Variants in CALB1 observed in about 807,000 individuals in gnomAD.
CALB1 encodes calbindin 1.
A neutral mutation model predicts 46.7 loss-of-function variants in CALB1; 16 were observed. That is an observed-to-expected ratio of 0.34 (90% CI 0.23 to 0.52). The LOEUF (loss-of-function observed/expected upper bound fraction) is 0.52. CALB1 is among the 20% of genes least tolerant of loss of function. The probability of loss-of-function intolerance (pLI) is 0.95; values close to 1 mark genes in which losing one functional copy is unlikely to be tolerated. For missense variants in CALB1, 224 were observed against 300.3 expected (o/e 0.75, Z 1.88); for synonymous variants, 90 against 112.8 (o/e 0.80, Z 1.28).
chr8:90,081,073 A>G (rs1259219871), intron 2 of CALB1, among the ~76,000 whole-genome samples: 1 of 152,136 alleles, frequency 6.6e-6, no homozygotes, highest in Non-Finnish European at 1.5e-5. Flanking sequence ...TCCTCTGGAC[A>G]ACCATCTCAT....
Position 90,060,104 on chromosome 8 carries a change from A to G in CALB1, c.*69T>C. ...ACAGATATAAAAGAAAATACAGCCTACTCCCTTATAGTGCACAGTTATTTT... is the reference window on the plus strand; with the variant it reads ...ACAGATATAAAAGAAAATACAGCCTGCTCCCTTATAGTGCACAGTTATTTT... On this transcript the variant is annotated 3_prime_UTR_variant, in exon 11 of 11. Coordinates refer to ENST00000265431, the MANE Select transcript of CALB1 (RefSeq NM_004929.4). 2 of 846,810 alleles carry G rather than the reference A, an allele frequency of 2.4e-6. No homozygotes were observed. Among genetic ancestry groups the G allele is most frequent in the Non-Finnish European group, 4.1e-6 (2 of 486,960 alleles). The allele number at this position is 846,810 out of a possible 1,614,324, so 52.5% of individuals were successfully genotyped here.
intron 3 of CALB1, among the ~76,000 whole-genome samples, chr8:90,073,296 G>A (rs1814566546): frequency 6.6e-6 from 1 of 152,104 alleles, no homozygotes; most frequent in Non-Finnish European, 1.5e-5. Flanking sequence ...TGCTGGGAGT[G>A]TTGCTGCAGC....
chr8:90,078,387 T>C lies in CALB1; in HGVS notation c.217A>G (p.Ile73Val). Reference protein sequence around the residue: ...DQYGQRDDGKIGIVELAHVLP... With the variant: ...DQYGQRDDGKVGIVELAHVLP... Reference sequence around the variant, plus strand: ...AAATTCCTTACCTCTACAATTCCTATTTTTCCATCATCTCTTTGCCCATAC... The same window carrying C: ...AAATTCCTTACCTCTACAATTCCTACTTTTCCATCATCTCTTTGCCCATAC... The change falls in exon 3 of 11, where the codon ATA becomes GTA. Residue 73 changes from isoleucine to valine, a missense_variant. Transcript: ENST00000265431. 1 of 1,585,334 alleles carries C rather than the reference T, an allele frequency of 6.3e-7. No individual in the cohort carries two copies. Among genetic ancestry groups the C allele is most frequent in the Non-Finnish European group, 8.6e-7 (1 of 1,161,024 alleles).
chr8:90,082,472 G>A, intron 1 of CALB1, 147 bp downstream of exon 1: 1 of 695,248 alleles, frequency 1.4e-6, no homozygotes, highest in East Asian at 2.7e-5. Flanking sequence ...GCCAGTCGGG[G>A]AGATAAGAAG....
rs578020589 is a variant in CALB1 at position 90,058,693 on chromosome 8, C to G, written c.*1480G>C. On this transcript the variant is annotated 3_prime_UTR_variant, in exon 11 of 11. Transcript: ENST00000265431. The stretch of plus-strand genomic sequence containing the variant: ...TCCATTTACACGCTAAAGGCAAAGC[C>G]AATCTCCCACTCAACATCATTTGTT... 6.6e-6 allele frequency: 1 copy of G among 152,320 alleles called. No homozygotes were observed. The highest frequency in any genetic ancestry group is 2.4e-5 in the African/African-American group (1 of 41,572). 9.4% of individuals were successfully genotyped at this position (152,320 alleles called of 1,614,324 possible). A position where few individuals can be genotyped will look rare whatever the true frequency, so the allele number is the denominator to read the frequency against.
chr8:90,063,691 T>C, intron 6 of CALB1: 1 of 467,800 alleles, frequency 2.1e-6, no homozygotes, highest in Non-Finnish European at 3.8e-6. Context: ...AATAGTGGTT[T>C]TAGCTATGTT....
At chr8:90,060,462 T>C (rs1814275498) in intron 10 of CALB1, among the ~76,000 whole-genome samples, 167 bp downstream of exon 10, 1 of 152,220 alleles carries the variant, frequency 6.6e-6, no homozygotes, top group South Asian at 2.1e-4. Context: ...AATCTATTTA[T>C]CACAGTTACC....
At chr8:90,060,803 G>T in intron 9 of CALB1, 103 bp from the exon 10 acceptor site, 1 of 928,992 alleles carries the variant, frequency 1.1e-6, no homozygotes. Flanking sequence ...TCTCCCAACT[G>T]CATACTTGGC....
chr8:90,066,043 C>G (rs531230664), intron 5 of CALB1, 68 bp from the exon 6 acceptor site: 20 of 1,050,572 alleles, frequency 1.9e-5, no homozygotes, highest in Middle Eastern at 2.2e-4. Context: ...TTTCAGAATG[C>G]CTTGGAACAG....
chr8:90,063,074 G>C, intron 9 of CALB1, 26 bp downstream of exon 9: 1 of 1,555,208 alleles, frequency 6.4e-7, no homozygotes, highest in Non-Finnish European at 8.8e-7. Context: ...CAATAAAAAA[G>C]AAAGGAAAAA....
At chr8:90,069,125 G>A (rs974305229) in intron 4 of CALB1, 29 bp downstream of exon 4, 3 of 1,609,072 alleles carry the variant, frequency 1.9e-6, no homozygotes, top group Non-Finnish European at 2.6e-6. Flanking sequence ...ACTTTAAGCA[G>A]CTTTCTTAAA....
In CALB1 at chr8:90,069,468, C is replaced by T. The variant is rs181370253; in HGVS notation, c.232-231G>A. Among the ~76,000 whole-genome samples the T allele has an allele frequency of 1.6e-3, 247 of 152,204 alleles. 1 individual carries two copies. The highest frequency in any genetic ancestry group is 5.2e-3 in the African/African-American group (215 of 41,518). On this transcript the variant is annotated intron_variant, in intron 3 of 10. Coordinates refer to ENST00000265431, the MANE Select transcript of CALB1 (RefSeq NM_004929.4). ...TTGGTTCTTTGGCCAGTGAGGTGGC[C>T]GCAGCAGACCTGTGCTCAGGTAGAA...
At chr8:90,060,798 C>A in intron 9 of CALB1, 98 bp from the exon 10 acceptor site, 1 of 978,298 alleles carries the variant, frequency 1.0e-6, no homozygotes, top group Non-Finnish European at 1.6e-6. Context: ...GAAAGTCTCC[C>A]AACTGCATAC....
intron 5 of CALB1, among the ~76,000 whole-genome samples, chr8:90,066,727 TAAATA>T (rs1814405809): frequency 6.6e-6 from 1 of 152,076 alleles, no homozygotes; most frequent in African/African-American, 2.4e-5. Context: ...AACAGAAACA[TAAATA>T]AAAGCTTTAC....
At chr8:90,076,275 A>G (rs766995068) in intron 3 of CALB1, among the ~76,000 whole-genome samples, 1 of 152,032 alleles carries the variant, frequency 6.6e-6, no homozygotes, top group African/African-American at 2.4e-5. Flanking sequence ...AAGCTTGAAA[A>G]GTTTTCCTTT....
chr8:90,062,529 C>T (rs1814322484), intron 9 of CALB1: 1 of 151,872 alleles, frequency 6.6e-6, no homozygotes, highest in Middle Eastern at 3.2e-3. Context: ...GGGTTAATGA[C>T]TTGAGTAGAC....
chr8:90,080,043 C>G (rs77798206), intron 2 of CALB1, among the ~76,000 whole-genome samples: 3,864 of 151,978 alleles, frequency 0.025, 143 homozygotes, highest in African/African-American at 0.087. Flanking sequence ...TCTGAATCCA[C>G]ATCTTGATTT....
At chr8:90,071,359 G>A (rs991920237) in intron 3 of CALB1, among the ~76,000 whole-genome samples, 1 of 152,054 alleles carries the variant, frequency 6.6e-6, no homozygotes, top group Non-Finnish European at 1.5e-5. Context: ...AAAGTATCCA[G>A]ATATCTGGTA....
At chr8:90,066,175 C>T (rs980276026) in intron 5 of CALB1, among the ~76,000 whole-genome samples, 200 bp from the exon 6 acceptor site, 7 of 152,016 alleles carry the variant, frequency 4.6e-5, no homozygotes, top group African/African-American at 1.7e-4. Flanking sequence ...ATGAAACTAC[C>T]TTTGACAGGA....
Sources: allele counts gnomAD v4.1 joint callset (sites outside exome capture counted in the v4.1 genomes callset), GRCh38; gene constraint gnomAD v4.1.1; transcripts MANE v1.5; gene names NCBI Gene and HGNC (gene_info 2026-07-23, HGNC 2026-07-21).